The following AFF3 variants were observed in gnomAD, a reference collection of about 807,000 sequenced individuals.
The protein encoded by AFF3 is ALF transcription elongation factor 3.
Under a neutral mutation model 129.7 loss-of-function variants are expected in AFF3, and 32 were observed. The ratio of observed to expected loss-of-function variants is 0.25; its 90% CI spans 0.19 to 0.33. AFF3 has a LOEUF of 0.33. Among genes scored for constraint, AFF3 ranks in the 10% least tolerant of loss-of-function variants. The pLI is 1.00. For synonymous variants in AFF3, 644 were observed against 635.4 expected, an observed-to-expected ratio of 1.01 and a Z score of -0.20; for missense variants, 1,373 against 1,592.0, an observed-to-expected ratio of 0.86 and a Z score of 2.34.
At chr2:99,911,517 T>G (rs1344204369) in intron 7 of AFF3, among the ~76,000 whole-genome samples, 1 of 152,152 alleles carries the variant, frequency 6.6e-6, no homozygotes, top group Non-Finnish European at 1.5e-5. Flanking sequence ...GTAGGAAGGT[T>G]CAGTAGTCAT....
chr2:99,605,591 G>C (rs1680253108), intron 13 of AFF3, among the ~76,000 whole-genome samples: 1 of 152,216 alleles, frequency 6.6e-6, no homozygotes, highest in Non-Finnish European at 1.5e-5. Flanking sequence ...TGGGGCAGCT[G>C]CAGCAGTGAG....
Position 100,105,521 on chromosome 2 carries a change from T to C in AFF3, c.-82A>G. ...TTTCTCACCGGGAAGGGGGACAAAC[T>C]GGCCTCTGGGTGTCGACTTCAAACT... On this transcript the variant is annotated 5_prime_UTR_variant, in exon 3 of 25. Transcript: ENST00000672756. The C allele has an allele frequency of 6.0e-6, 8 of 1,331,212 alleles. No individual in the cohort carries two copies. Among genetic ancestry groups the C allele is most frequent in the Non-Finnish European group, 7.0e-6 (7 of 1,004,602 alleles). 82.5% of individuals were successfully genotyped at this position (1,331,212 alleles called of 1,614,324 possible). A position where few individuals can be genotyped will look rare whatever the true frequency, so the allele number is the denominator to read the frequency against.
chr2:100,051,044 C>G (rs921742075), intron 4 of AFF3, among the ~76,000 whole-genome samples: 3 of 152,176 alleles, frequency 2.0e-5, no homozygotes, highest in Non-Finnish European at 2.9e-5. Context: ...TTCCAGCAAC[C>G]TATGTCGTTT....
chr2:99,966,829 T>C (rs941374388), intron 7 of AFF3, among the ~76,000 whole-genome samples: 9 of 151,698 alleles, frequency 5.9e-5, no homozygotes, highest in Admixed American at 2.0e-4. Context: ...AGGAAAATAA[T>C]TGATTCTGAT....
chr2:99,814,420 C>T (rs1337776977), intron 8 of AFF3, among the ~76,000 whole-genome samples: 1 of 152,158 alleles, frequency 6.6e-6, no homozygotes, highest in South Asian at 2.1e-4. Context: ...TATACTACTG[C>T]ATGCAGAAGC....
chr2:100,007,230 A>C lies in AFF3; in HGVS notation c.405T>G (p.Ala135=). The C allele has an allele frequency of 1.2e-6, 2 of 1,614,144 alleles. No homozygotes were observed. Among genetic ancestry groups the C allele is most frequent in the Non-Finnish European group, 1.7e-6 (2 of 1,180,028 alleles). Reference sequence around the variant, plus strand: ...CTCTCTTACTCTGCTGCACGGGGACAGCTGCTGGTGTGGAAGTTGTAGTGC... The same window carrying C: ...CTCTCTTACTCTGCTGCACGGGGACCGCTGCTGGTGTGGAAGTTGTAGTGC... ...ICSTTTSTPA[A]VPVQQSKRGT... The change falls in exon 6 of 25, where the codon GCT becomes GCG. Residue 135 remains alanine, a synonymous_variant. Transcript: ENST00000672756.
chr2:99,851,362 T>G (rs1327557329), intron 7 of AFF3, among the ~76,000 whole-genome samples: 1 of 152,238 alleles, frequency 6.6e-6, no homozygotes, highest in African/African-American at 2.4e-5. Context: ...ATGTTCTCTT[T>G]CTGGTTTCTC....
At chr2:100,026,234 TAAG>T (rs1684031300) in intron 4 of AFF3, among the ~76,000 whole-genome samples, 1 of 152,006 alleles carries the variant, frequency 6.6e-6, no homozygotes, top group Non-Finnish European at 1.5e-5. Flanking sequence ...AAAAGTGGGC[TAAG>T]GACATGAATA....
At chr2:99,873,334 C>T (rs1404123504) in intron 7 of AFF3, among the ~76,000 whole-genome samples, 5 of 152,178 alleles carry the variant, frequency 3.3e-5, no homozygotes, top group African/African-American at 1.2e-4. Context: ...AAGTTGCCTG[C>T]AGTACTGTCA....
chr2:100,012,780 G>A (rs967560918), intron 4 of AFF3, among the ~76,000 whole-genome samples: 2 of 152,202 alleles, frequency 1.3e-5, no homozygotes, highest in African/African-American at 4.8e-5. Flanking sequence ...TTAGGTCTAA[G>A]AGAATTCCAA....
At chr2:100,001,672 C>T (rs186817349) in intron 7 of AFF3, among the ~76,000 whole-genome samples, 37 of 151,416 alleles carry the variant, frequency 2.4e-4, no homozygotes, top group Non-Finnish European at 4.7e-4. Flanking sequence ...GTGATCCACC[C>T]GCCTTGGCCT....
chr2:99,613,860 TC>T, intron 13 of AFF3, among the ~76,000 whole-genome samples: 1 of 152,352 alleles, frequency 6.6e-6, no homozygotes, highest in South Asian at 2.1e-4. Context: ...TCTAAATAGA[TC>T]ATTGAAGTAG....
intron 12 of AFF3, among the ~76,000 whole-genome samples, chr2:99,653,758 C>T (rs925502831): frequency 2.0e-5 from 3 of 152,006 alleles, no homozygotes; most frequent in Non-Finnish European, 2.9e-5. Context: ...GGGCACCCTA[C>T]GAGGCACTAA....
chr2:99,928,169 C>T (rs1169711361), intron 7 of AFF3, among the ~76,000 whole-genome samples: 1 of 152,160 alleles, frequency 6.6e-6, no homozygotes, highest in Non-Finnish European at 1.5e-5. Flanking sequence ...TGTCTTTTAT[C>T]AGCAGCGTGA....
intron 8 of AFF3, among the ~76,000 whole-genome samples, chr2:99,817,653 C>G (rs1687346068): frequency 6.6e-6 from 1 of 152,204 alleles, no homozygotes; most frequent in African/African-American, 2.4e-5. Flanking sequence ...TCCCGAGTAG[C>G]TGGGACTACA....
intron 8 of AFF3, among the ~76,000 whole-genome samples, chr2:99,773,101 C>A (rs981856347): frequency 6.6e-6 from 1 of 152,226 alleles, no homozygotes; most frequent in Non-Finnish European, 1.5e-5. Context: ...TCTATCACAT[C>A]TTCCTTCAAG....
chr2:99,993,313 G>A (rs1247449035), intron 7 of AFF3, among the ~76,000 whole-genome samples: 1 of 152,092 alleles, frequency 6.6e-6, no homozygotes, highest in Non-Finnish European at 1.5e-5. Context: ...AAATTGAATA[G>A]TATAAGCAAA....
chr2:99,946,097 C>T (rs1675532177), intron 7 of AFF3, among the ~76,000 whole-genome samples: 1 of 152,058 alleles, frequency 6.6e-6, no homozygotes, highest in South Asian at 2.1e-4. Context: ...TGCAGTCCTC[C>T]CCTGGGTTCT....
At chr2:100,084,908 A>G (rs1325563695) in intron 4 of AFF3, among the ~76,000 whole-genome samples, 2 of 147,020 alleles carry the variant, frequency 1.4e-5, no homozygotes, top group Non-Finnish European at 3.0e-5. Context: ...ATTTTCAAAA[A>G]GAATAGCTTA....
Sources: allele counts gnomAD v4.1 joint callset (sites outside exome capture counted in the v4.1 genomes callset), GRCh38; gene constraint gnomAD v4.1.1; transcripts MANE v1.5; gene names NCBI Gene and HGNC (gene_info 2026-07-23, HGNC 2026-07-21).